ARAP2: variants seen among roughly 807,000 people sequenced by gnomAD.
ARAP2 encodes the protein ArfGAP with RhoGAP domain, ankyrin repeat and PH domain 2.
In ARAP2, 148 loss-of-function variants were observed where a neutral mutation model predicts 194.5. The ratio of observed to expected loss-of-function variants is 0.76; its 90% confidence interval spans 0.67 to 0.87. ARAP2 has a LOEUF of 0.87. Ranked by LOEUF, ARAP2 falls within the 40% of genes least tolerant of loss-of-function variation. ARAP2 has a pLI of 0.00. For missense variants in ARAP2, 2,128 were observed against 1,989.7 expected, an observed-to-expected ratio of 1.07 and a Z score of -1.32; for synonymous variants, 695 against 683.5, an observed-to-expected ratio of 1.02 and a Z score of -0.26.
At chr4:36,230,718 A>C (rs1452284574) in intron 1 of ARAP2, among the ~76,000 whole-genome samples, 1 of 152,216 alleles carries the variant, frequency 6.6e-6, no homozygotes, top group East Asian at 1.9e-4. Flanking sequence ...ACACTGAAGT[A>C]ATAAAATGAG....
chr4:36,151,552 C>G (rs908244082), intron 15 of ARAP2, among the ~76,000 whole-genome samples: 2 of 152,078 alleles, frequency 1.3e-5, no homozygotes, highest in African/African-American at 4.8e-5. Flanking sequence ...TAGATTAGAT[C>G]TACAGACATT....
chr4:36,202,405 T>C (rs879567007), intron 6 of ARAP2, among the ~76,000 whole-genome samples: 4 of 151,870 alleles, frequency 2.6e-5, no homozygotes, highest in Non-Finnish European at 4.4e-5. Flanking sequence ...ATGAACCAAA[T>C]GAGCTGGGGC....
chr4:36,089,307 T>C, intron 28 of ARAP2, among the ~76,000 whole-genome samples: 1 of 152,272 alleles, frequency 6.6e-6, no homozygotes, highest in East Asian at 1.9e-4. Context: ...AATATTCATT[T>C]TTGTTGCTGA....
downstream of ARAP2, among the ~76,000 whole-genome samples, chr4:36,062,969 T>A (rs1375009430): frequency 1.3e-5 from 2 of 152,206 alleles, no homozygotes. Flanking sequence ...ATTGTACACA[T>A]GACAGAAAAA....
At chr4:36,159,281 T>C (rs772682404) in intron 14 of ARAP2, 50 bp downstream of exon 14, 18 of 1,406,964 alleles carry the variant, frequency 1.3e-5, no homozygotes, top group Non-Finnish European at 1.6e-5. Context: ...CTTCAGTCCT[T>C]TTACGGATCT....
chr4:36,107,538 G>A, intron 27 of ARAP2, 27 bp downstream of exon 27: 1 of 1,580,910 alleles, frequency 6.3e-7, no homozygotes, highest in Non-Finnish European at 8.6e-7. Context: ...TTCAATCATA[G>A]CTGCAATGTG....
chr4:36,074,078 C>T (rs1172161168), intron 31 of ARAP2, among the ~76,000 whole-genome samples: 1 of 151,974 alleles, frequency 6.6e-6, no homozygotes, highest in Non-Finnish European at 1.5e-5. Flanking sequence ...CTTATCAAAC[C>T]AAAAGGGGAA....
At chr4:36,133,449 C>T in intron 19 of ARAP2, 60 bp from the exon 20 acceptor site, 1 of 1,451,182 alleles carries the variant, frequency 6.9e-7, no homozygotes, top group Non-Finnish European at 9.4e-7. Context: ...AAATCTTACT[C>T]CAAGACAGAT....
intron 5 of ARAP2, among the ~76,000 whole-genome samples, chr4:36,039,561 T>A (rs1720496054): frequency 6.6e-6 from 1 of 152,138 alleles, no homozygotes; most frequent in South Asian, 2.1e-4. Flanking sequence ...GACTGAATGC[T>A]GAGCCTGAAA....
intron 9 of ARAP2, among the ~76,000 whole-genome samples, chr4:36,175,979 C>T (rs1332063582): frequency 2.0e-5 from 3 of 152,122 alleles, no homozygotes; most frequent in Non-Finnish European, 2.9e-5. Context: ...GTGTGCCTGA[C>T]ATGGTATACA....
At chr4:36,151,875 T>C (rs1224545442) in intron 15 of ARAP2, among the ~76,000 whole-genome samples, 1 of 152,204 alleles carries the variant, frequency 6.6e-6, no homozygotes, top group Non-Finnish European at 1.5e-5. Context: ...AAAATGCTAA[T>C]AATTGATACA....
At chr4:36,063,360 T>C (rs1011772636), downstream of ARAP2, among the ~76,000 whole-genome samples, 40 of 150,902 alleles carry the variant, frequency 2.7e-4, no homozygotes, top group African/African-American at 9.5e-4. Flanking sequence ...CTAATGTAAA[T>C]GACAAGTTAA....
chr4:36,117,101 T>C lies in ARAP2; in HGVS notation c.3998A>G (p.Tyr1333Cys), dbSNP rs778707056. 14 of 1,600,706 alleles carry C rather than the reference T, an allele frequency of 8.7e-6. No individual in the cohort carries two copies. The highest frequency in any genetic ancestry group is 2.3e-5 in the East Asian group (1 of 43,772). The stretch of plus-strand genomic sequence containing the variant: ...ACAGTCGGGTTCCTTCCTTTCTACA[T>C]ATACTTCAATTAACAAATCTCCAGC... ...SQAGDLLIEV[Y>C]VERKEPDCSI... is the part of the protein sequence containing the mutation. Residue 1333 changes from tyrosine (Y) to cysteine (C), a missense_variant, in exon 25 of 33, where the codon TAT (tyrosine) becomes TGT (cysteine). Coordinates refer to ENST00000303965, the MANE Select transcript of ARAP2 (RefSeq NM_015230.4).
At chr4:36,121,073 T>G in intron 23 of ARAP2, 106 bp downstream of exon 23, 1 of 818,036 alleles carries the variant, frequency 1.2e-6, no homozygotes, top group Non-Finnish European at 1.7e-6. Flanking sequence ...TATGTATTTC[T>G]AAATATGAAT....
intron 27 of ARAP2, among the ~76,000 whole-genome samples, chr4:36,097,436 G>C (rs905929691): frequency 6.6e-6 from 1 of 152,050 alleles, no homozygotes; most frequent in South Asian, 2.1e-4. Flanking sequence ...AGCTACACAC[G>C]TTGGGGTACA....
At chr4:36,180,676 C>T (rs886646293) in intron 8 of ARAP2, among the ~76,000 whole-genome samples, 3 of 152,176 alleles carry the variant, frequency 2.0e-5, no homozygotes, top group East Asian at 1.9e-4. Context: ...GTGTCTATGG[C>T]TTTTAGATTA....
At chr4:36,165,344 C>T (rs1319069269) in intron 10 of ARAP2, among the ~76,000 whole-genome samples, 1 of 152,158 alleles carries the variant, frequency 6.6e-6, no homozygotes. Context: ...CCAAAATTAA[C>T]ATACACATTT....
At chr4:36,055,285 A>C (rs1723301667) in intron 2 of ARAP2, among the ~76,000 whole-genome samples, 1 of 152,182 alleles carries the variant, frequency 6.6e-6, no homozygotes, top group Non-Finnish European at 1.5e-5. Context: ...GATCTGCTTT[A>C]TTTGGAATGT....
At chr4:36,116,216 C>T (rs1276275404) in intron 25 of ARAP2, among the ~76,000 whole-genome samples, 1 of 151,858 alleles carries the variant, frequency 6.6e-6, no homozygotes, top group Non-Finnish European at 1.5e-5. Flanking sequence ...AGTTACAATT[C>T]ATAATCATTA....
Sources: allele counts gnomAD v4.1 joint callset (sites outside exome capture counted in the v4.1 genomes callset), GRCh38; gene constraint gnomAD v4.1.1; transcripts MANE v1.5; gene names NCBI Gene and HGNC (gene_info 2026-07-23, HGNC 2026-07-21).